The following CIBAR1 variants were observed in gnomAD, a reference collection of about 807,000 sequenced individuals.
CIBAR1 encodes CBY1-interacting BAR domain-containing protein 1.
A neutral mutation model predicts 44.0 loss-of-function variants in CIBAR1; 25 were observed. The observed-to-expected ratio is 0.57, with a 90% confidence interval of 0.41 to 0.79. The LOEUF (loss-of-function observed/expected upper bound fraction) is 0.79. Ranked by LOEUF, CIBAR1 falls within the 30% of genes least tolerant of loss-of-function variation. The pLI is 0.00. For missense variants in CIBAR1, 278 were observed against 344.8 expected (o/e 0.81, Z 1.53); for synonymous variants, 115 against 119.0 (o/e 0.97, Z 0.22).
chr8:93,723,549 A>G (rs1351640975), intron 7 of CIBAR1, among the ~76,000 whole-genome samples: 1 of 151,798 alleles, frequency 6.6e-6, no homozygotes, highest in Non-Finnish European at 1.5e-5. Context: ...ACTTTTGCCA[A>G]ATGAATGATG....
intron 8 of CIBAR1, among the ~76,000 whole-genome samples, chr8:93,727,699 TA>T (rs1811586940): frequency 6.6e-6 from 1 of 152,204 alleles, no homozygotes; most frequent in African/African-American, 2.4e-5. Context: ...CTGGGTTAGA[TA>T]TAATCACCCT....
At chr8:93,705,591 A>C (rs1175803008) in intron 4 of CIBAR1, 3 of 152,374 alleles carry the variant, frequency 2.0e-5, no homozygotes, top group African/African-American at 4.8e-5. Flanking sequence ...CTTGTTCGTG[A>C]GTAAACAAAA....
intron 7 of CIBAR1, among the ~76,000 whole-genome samples, chr8:93,725,041 G>A (rs1416960550): frequency 6.6e-6 from 1 of 152,088 alleles, no homozygotes; most frequent in African/African-American, 2.4e-5. Flanking sequence ...GCAGTGGCGT[G>A]TTGTGATCTT....
intron 5 of CIBAR1, among the ~76,000 whole-genome samples, chr8:93,709,264 G>A (rs1247916580): frequency 2.6e-5 from 4 of 151,852 alleles, no homozygotes; most frequent in Non-Finnish European, 5.9e-5. Flanking sequence ...TGGGCAACAA[G>A]AGCAAAACTC....
At position 93,726,445 on chromosome 8, in the gene CIBAR1, G is replaced by T; in HGVS notation, c.709G>T (p.Val237Leu). ...AGATTATTCATCTCGTTTAGATATTGTAAGAGCAAATTCAAAGTCACCTCT... is the reference window on the plus strand; with the variant it reads ...AGATTATTCATCTCGTTTAGATATTTTAAGAGCAAATTCAAAGTCACCTCT... ...APDYSSRLDI[V>L]RANSKSPLQR... The change falls in exon 8 of 9, where the codon GTA becomes TTA. Residue 237 changes from valine (V) to leucine (L), a missense_variant. Coordinates refer to ENST00000518322, the MANE Select transcript of CIBAR1 (RefSeq NM_145269.5). 5 of 1,613,640 alleles carry T rather than the reference G, an allele frequency of 3.1e-6. No individual in the cohort carries two copies. Among genetic ancestry groups the T allele is most frequent in the Non-Finnish European group, 3.4e-6 (4 of 1,179,668 alleles).
In CIBAR1 at chr8:93,729,201, G is replaced by A. The variant is rs1479136672; in HGVS notation, c.*904G>A. The A allele has an allele frequency of 6.6e-6, 1 of 152,072 alleles. No homozygotes were observed. The highest frequency in any genetic ancestry group is 1.5e-5 in the Non-Finnish European group (1 of 67,938). The allele number at this position is 152,072 out of a possible 1,614,324, so 9.4% of individuals were successfully genotyped here. ...TTTATAAAATCATTTGGGATAATTA[G>A]AAAATGCAATTATTCATAACAGAAA... On this transcript the variant is annotated 3_prime_UTR_variant, in exon 9 of 9. Transcript: ENST00000518322.
chr8:93,702,919 A>G (rs1272749578), intron 2 of CIBAR1, among the ~76,000 whole-genome samples: 1 of 152,164 alleles, frequency 6.6e-6, no homozygotes, highest in East Asian at 1.9e-4. Flanking sequence ...TTCTTATGCT[A>G]TATTTAAATA....
In CIBAR1 at chr8:93,700,563, C is replaced by A; in HGVS notation, c.-85C>A. On this transcript the variant is annotated 5_prime_UTR_variant, in exon 1 of 9. The change creates a new upstream start codon in the 5' untranslated region. Transcript: ENST00000518322. ...GGGCGGGCTTTCAGGCTCCCGGCGG[C>A]TGCTTGCGCCCCAGCGCGCGCCCAG... The A allele has an allele frequency of 1.4e-6, 2 of 1,379,498 alleles. No individual in the cohort carries two copies. Among genetic ancestry groups the A allele is most frequent in the Non-Finnish European group, 9.4e-7 (1 of 1,066,252 alleles). The allele number at this position is 1,379,498 out of a possible 1,614,324, so 85.5% of individuals were successfully genotyped here.
intron 2 of CIBAR1, 73 bp from the exon 3 acceptor site, chr8:93,703,547 C>A: frequency 1.2e-6 from 1 of 844,368 alleles, no homozygotes; most frequent in Non-Finnish European, 1.8e-6. Context: ...TTATCAATTT[C>A]TAGTGATTAG....
chr8:93,703,753 T>G (rs1810464939), intron 3 of CIBAR1, 65 bp downstream of exon 3: 1 of 1,335,654 alleles, frequency 7.5e-7, no homozygotes, highest in African/African-American at 1.5e-5. Flanking sequence ...GGTTTCCAAT[T>G]GTTTTTTTAA....
chr8:93,701,784 GT>G lies in CIBAR1; in HGVS notation c.261+327del, dbSNP rs770102654. On this transcript the variant is annotated intron_variant, in intron 2 of 8. Coordinates refer to ENST00000518322, the MANE Select transcript of CIBAR1 (RefSeq NM_145269.5). ...GAAAATAAGCATAACTTAATGTCTT[GT>G]GTGGCACATAAGTACGTTTTAAAGA... 71 of 284,336 alleles carry G rather than the reference GT, an allele frequency of 2.5e-4. 1 individual carries two copies. The highest frequency in any genetic ancestry group is 4.5e-4 in the Non-Finnish European group (67 of 150,464). The allele number at this position is 284,336 out of a possible 1,614,324, so 17.6% of individuals were successfully genotyped here.
At position 93,704,924 on chromosome 8, in the gene CIBAR1, A is replaced by G; in HGVS notation, c.346A>G (p.Thr116Ala). The change falls in exon 4 of 9, where the codon ACA becomes GCA. Residue 116 changes from threonine (T) to alanine (A), a missense_variant. Physicochemically the swap from Thr to Ala is moderately conservative, Grantham distance 58 (BLOSUM62 0). Coordinates refer to ENST00000518322, the MANE Select transcript of CIBAR1 (RefSeq NM_145269.5). ...VKMKRDDLKA[T>A]LTARNREAKQ... ...CAATTTGCAGGATGACCTCAAAGCAACACTCACAGCAAGGAATCGAGAAGC... is the reference window on the plus strand; with the variant it reads ...CAATTTGCAGGATGACCTCAAAGCAGCACTCACAGCAAGGAATCGAGAAGC... 6.2e-7 allele frequency: 1 copy of G among 1,605,278 alleles called. No individual in the cohort carries two copies. The highest frequency in any genetic ancestry group is 1.1e-5 in the South Asian group (1 of 88,642).
chr8:93,703,525 A>C lies in CIBAR1; in HGVS notation c.262-95A>C, dbSNP rs186922459. 503 of 708,260 alleles carry C rather than the reference A, an allele frequency of 7.1e-4. 4 individuals are homozygous for C. In the African/African-American group the frequency reaches 8.2e-3, roughly 12 times the overall value. 43.9% of individuals were successfully genotyped at this position (708,260 alleles called of 1,614,324 possible). ...ACAGTTTTTAATGTGTTTTGAGTTT[A>C]GATTCTGAGTCTTATCAATTTCTAG... On this transcript the variant is annotated intron_variant, in intron 2 of 8. Coordinates refer to ENST00000518322, the MANE Select transcript of CIBAR1 (RefSeq NM_145269.5).
At chr8:93,717,628 T>C (rs1395575536) in intron 6 of CIBAR1, among the ~76,000 whole-genome samples, 1 of 152,188 alleles carries the variant, frequency 6.6e-6, no homozygotes, top group Admixed American at 6.5e-5. Context: ...CTGATAAGTA[T>C]CTATATGGCT....
At position 93,726,342 on chromosome 8, in the gene CIBAR1, T is replaced by C. The variant is rs147294593; in HGVS notation, c.658-52T>C. 2.8e-4 allele frequency: 417 copies of C among 1,482,832 alleles called. 1 individual carries two copies. In the East Asian group the frequency reaches 0.01, roughly 36 times the overall value. The allele number at this position is 1,482,832 out of a possible 1,614,324, so 91.9% of individuals were successfully genotyped here. A position where few individuals can be genotyped will look rare whatever the true frequency, so the allele number is the denominator to read the frequency against. ...TTAACTAAGGAACTTAATTTGACTGTCTTGATTTTGTTTAGCATCTACTTT... is the reference window on the plus strand; with the variant it reads ...TTAACTAAGGAACTTAATTTGACTGCCTTGATTTTGTTTAGCATCTACTTT... On this transcript the variant is annotated intron_variant, in intron 7 of 8. Transcript: ENST00000518322.
At chr8:93,719,197 G>A (rs1404110238) in intron 7 of CIBAR1, among the ~76,000 whole-genome samples, 1 of 151,926 alleles carries the variant, frequency 6.6e-6, no homozygotes, top group Non-Finnish European at 1.5e-5. Flanking sequence ...CACTATAGTG[G>A]TTATTATGTG....
At chr8:93,708,063 C>G (rs376246158) in intron 5 of CIBAR1, 47 bp downstream of exon 5, 4 of 1,423,968 alleles carry the variant, frequency 2.8e-6, no homozygotes, top group Non-Finnish European at 3.8e-6. Context: ...TATAGTAAAC[C>G]CTTTTACTTG....
chr8:93,722,722 G>A (rs1480873657), intron 7 of CIBAR1, among the ~76,000 whole-genome samples: 1 of 151,934 alleles, frequency 6.6e-6, no homozygotes, highest in Admixed American at 6.6e-5. Context: ...AATATTGTCA[G>A]GTCACCTCTG....
At chr8:93,716,186 G>A (rs1267393439) in intron 6 of CIBAR1, 3 of 152,172 alleles carry the variant, frequency 2.0e-5, no homozygotes, top group Non-Finnish European at 4.4e-5. Flanking sequence ...TGGCATTACA[G>A]GCGTGCACCA....
Sources: allele counts gnomAD v4.1 joint callset (sites outside exome capture counted in the v4.1 genomes callset), GRCh38; gene constraint gnomAD v4.1.1; transcripts MANE v1.5; gene names NCBI Gene and HGNC (gene_info 2026-07-23, HGNC 2026-07-21).